Variants in SLC25A26 observed in about 807,000 individuals in gnomAD.
SLC25A26 encodes the protein mitochondrial S-adenosylmethionine carrier protein.
Under a neutral mutation model 37.8 loss-of-function variants are expected in SLC25A26, and 36 were observed. That is an observed-to-expected ratio of 0.95 (90% CI 0.73 to 1.26). SLC25A26 has a LOEUF of 1.26. Ranked by LOEUF, SLC25A26 falls within the 50% of genes most tolerant of loss-of-function variation. The probability of loss-of-function intolerance (pLI) is 0.00; values close to 1 mark genes in which losing one functional copy is unlikely to be tolerated. For missense variants in SLC25A26, 390 were observed against 331.1 expected (o/e 1.18, Z -1.38); for synonymous variants, 129 against 122.5 (o/e 1.05, Z -0.35).
chr3:66,240,495 C>A (rs974024998), intron 2 of SLC25A26, among the ~76,000 whole-genome samples: 12 of 152,018 alleles, frequency 7.9e-5, no homozygotes, highest in African/African-American at 2.7e-4. Context: ...TCCATGTTGT[C>A]CAGTCTGGTC....
At chr3:66,278,888 C>T (rs1258286137) in intron 5 of SLC25A26, among the ~76,000 whole-genome samples, 1 of 152,154 alleles carries the variant, frequency 6.6e-6, no homozygotes, top group African/African-American at 2.4e-5. Context: ...TCACTTCTTT[C>T]ATAGCTCTTC....
At chr3:66,186,210 C>T (rs2070824246) in intron 1 of SLC25A26, among the ~76,000 whole-genome samples, 1 of 151,648 alleles carries the variant, frequency 6.6e-6, no homozygotes, top group Non-Finnish European at 1.5e-5. Flanking sequence ...CTAAACATGA[C>T]CCTCACACTG....
chr3:66,304,521 T>C (rs2075163135), intron 5 of SLC25A26: 2 of 455,866 alleles, frequency 4.4e-6, no homozygotes, highest in Non-Finnish European at 8.8e-6. Flanking sequence ...GTGGCTTGTA[T>C]ACATGCTGTT....
Position 66,333,811 on chromosome 3 carries a change from G to T in SLC25A26, c.454-12553G>T, listed in dbSNP as rs1466616154. 2.0e-5 allele frequency among the ~76,000 whole-genome samples: 3 copies of T among 151,240 alleles called. No homozygotes were observed. In the East Asian group the frequency reaches 5.9e-4, roughly 30 times the overall value. On this transcript the variant is annotated intron_variant, in intron 5 of 9. Transcript: ENST00000354883. The stretch of plus-strand genomic sequence containing the variant: ...TAGGGTTCAAAGAGGCTTGTCTCCA[G>T]ATACTTGTCCAGAACCTAGAAAAAC...
chr3:66,369,618 G>A, intron 8 of SLC25A26, 76 bp downstream of exon 8: 2 of 1,278,246 alleles, frequency 1.6e-6, no homozygotes, highest in South Asian at 1.3e-5. Context: ...GGTGTATAAA[G>A]TGAACACAAA....
chr3:66,312,990 A>G (rs994179750), intron 5 of SLC25A26, among the ~76,000 whole-genome samples: 5 of 152,026 alleles, frequency 3.3e-5, no homozygotes, highest in African/African-American at 1.2e-4. Flanking sequence ...TTTGTTTTTC[A>G]TGTAAATATA....
chr3:66,221,259 T>C, intron 1 of SLC25A26, 132 bp downstream of exon 1: 1 of 1,014,112 alleles, frequency 9.9e-7, no homozygotes, highest in Non-Finnish European at 1.4e-6. Context: ...CAGCCAGGTC[T>C]GAGAGGGAGC....
chr3:66,248,759 T>G (rs1218404043), intron 3 of SLC25A26, among the ~76,000 whole-genome samples: 1 of 152,190 alleles, frequency 6.6e-6, no homozygotes, highest in African/African-American at 2.4e-5. Context: ...AATGATATCA[T>G]GTTTTGTAAA....
chr3:66,370,228 T>C (rs1408914976), intron 8 of SLC25A26, among the ~76,000 whole-genome samples: 1 of 152,246 alleles, frequency 6.6e-6, no homozygotes, highest in Non-Finnish European at 1.5e-5. Context: ...TTCCCCGCCC[T>C]CCTCACATTG....
intron 1 of SLC25A26, among the ~76,000 whole-genome samples, chr3:66,206,626 A>T (rs2071180846): frequency 6.6e-6 from 1 of 152,074 alleles, no homozygotes; most frequent in African/African-American, 2.4e-5. Context: ...ATTATAAAGC[A>T]TTAGACAGAG....
At chr3:66,211,159 A>G (rs900447401) in intron 1 of SLC25A26, among the ~76,000 whole-genome samples, 4 of 152,050 alleles carry the variant, frequency 2.6e-5, no homozygotes, top group African/African-American at 9.7e-5. Context: ...AGATCCTTGA[A>G]CTCTAAGAGG....
At chr3:66,145,613 T>G (rs1457599827) in intron 1 of SLC25A26, among the ~76,000 whole-genome samples, 1 of 152,202 alleles carries the variant, frequency 6.6e-6, no homozygotes. Flanking sequence ...TAATCAGTAT[T>G]GGCAACTTTT....
intron 1 of SLC25A26, among the ~76,000 whole-genome samples, chr3:66,168,143 A>C (rs1305987305): frequency 1.6e-5 from 1 of 61,422 alleles, no homozygotes; most frequent in Non-Finnish European, 3.4e-5. Flanking sequence ...ACAAGAGCAA[A>C]ACTCAGTCTC....
rs1218565341 is a variant in SLC25A26, at chr3:66,347,425, T to G, written c.498+1017T>G. On this transcript the variant is annotated intron_variant, in intron 6 of 9. Transcript: ENST00000354883. ...AATGCAAATCAAAACCACAATGAGA[T>G]ACCGTCTCACACCAGTCACAATGGC... Among the ~76,000 whole-genome samples, 4 of 152,132 alleles carry G rather than the reference T, an allele frequency of 2.6e-5. No individual in the cohort carries two copies. The East Asian group carries it at 7.7e-4, about 29-fold the overall frequency.
chr3:66,317,310 T>C (rs1575556632), intron 5 of SLC25A26, among the ~76,000 whole-genome samples: 1 of 152,006 alleles, frequency 6.6e-6, no homozygotes, highest in Non-Finnish European at 1.5e-5. Context: ...TTGTTGATGA[T>C]GTTGTTGTTG....
At chr3:66,224,878 G>A (rs1474151854) in intron 1 of SLC25A26, among the ~76,000 whole-genome samples, 2 of 152,208 alleles carry the variant, frequency 1.3e-5, no homozygotes, top group Non-Finnish European at 2.9e-5. Flanking sequence ...CCCCATGCAA[G>A]TCTGAAATCC....
intron 4 of SLC25A26, among the ~76,000 whole-genome samples, chr3:66,262,542 C>T (rs2107286616): frequency 6.6e-6 from 1 of 152,264 alleles, no homozygotes; most frequent in South Asian, 2.1e-4. Context: ...AACGTTTATA[C>T]CAAAATGTAG....
At chr3:66,323,299 T>C (rs2075745733) in intron 5 of SLC25A26, among the ~76,000 whole-genome samples, 1 of 152,240 alleles carries the variant, frequency 6.6e-6, no homozygotes, top group Non-Finnish European at 1.5e-5. Flanking sequence ...GTCAACCTTA[T>C]AGTGATAAAA....
chr3:66,313,959 C>T (rs2075457758), intron 5 of SLC25A26, among the ~76,000 whole-genome samples: 1 of 152,076 alleles, frequency 6.6e-6, no homozygotes, highest in Admixed American at 6.5e-5. Context: ...GTGACTTTTG[C>T]ATGTTGATTT....
Sources: allele counts gnomAD v4.1 joint callset (sites outside exome capture counted in the v4.1 genomes callset), GRCh38; gene constraint gnomAD v4.1.1; transcripts MANE v1.5; gene names NCBI Gene and HGNC (gene_info 2026-07-23, HGNC 2026-07-21).